TMEM132D: variants seen among roughly 807,000 people sequenced by gnomAD.
TMEM132D encodes mature OL transmembrane protein.
In TMEM132D, 21 loss-of-function variants were observed where a neutral mutation model predicts 62.3. The observed-to-expected ratio is 0.34, with a 90% confidence interval of 0.24 to 0.49. TMEM132D has a LOEUF of 0.49. Among genes scored for constraint, TMEM132D ranks in the 20% least tolerant of loss-of-function variants. TMEM132D has a pLI of 0.99. For missense variants in TMEM132D, 1,346 were observed against 1,402.8 expected (o/e 0.96, Z 0.65); for synonymous variants, 621 against 575.6 (o/e 1.08, Z -1.13).
At chr12:129,619,053 G>C (rs1029298709) in intron 2 of TMEM132D, among the ~76,000 whole-genome samples, 1 of 152,190 alleles carries the variant, frequency 6.6e-6, no homozygotes. Context: ...TTATCATGCA[G>C]GTGAAGCCTC....
chr12:129,342,128 A>G (rs1869510856), intron 3 of TMEM132D, among the ~76,000 whole-genome samples: 1 of 152,204 alleles, frequency 6.6e-6, no homozygotes, highest in African/African-American at 2.4e-5. Flanking sequence ...GTCAATCCTA[A>G]GCCAAAAGAA....
chr12:129,662,158 A>G (rs951466155), intron 2 of TMEM132D, among the ~76,000 whole-genome samples: 1 of 152,172 alleles, frequency 6.6e-6, no homozygotes, highest in Non-Finnish European at 1.5e-5. Flanking sequence ...TTTTCTTTGC[A>G]GCCCAGGCTA....
rs1390706584 is a variant in TMEM132D, at chr12:129,647,709, A to AT, written c.968+52100dup. Among the ~76,000 whole-genome samples, 6 of 152,092 alleles carry AT rather than the reference A, an allele frequency of 3.9e-5. No individual in the cohort carries two copies. The East Asian group carries it at 1.2e-3, about 29-fold the overall frequency. On this transcript the variant is annotated intron_variant, in intron 2 of 8. Coordinates refer to ENST00000422113, the MANE Select transcript of TMEM132D (RefSeq NM_133448.3). ...TTTCATATGCTTATTGGCTGCTGGTATTTTTTATGTAAATTAATCCACACA... is the reference window on the plus strand; with the variant it reads ...TTTCATATGCTTATTGGCTGCTGGTATTTTTTTATGTAAATTAATCCACACA...
chr12:129,809,989 G>A (rs1872119454), intron 1 of TMEM132D, among the ~76,000 whole-genome samples: 1 of 152,164 alleles, frequency 6.6e-6, no homozygotes, highest in Admixed American at 6.5e-5. Context: ...AGCTATCAAG[G>A]AGTCCTCGCT....
At chr12:129,605,631 AC>A (rs1257583458) in intron 2 of TMEM132D, among the ~76,000 whole-genome samples, 1 of 135,510 alleles carries the variant, frequency 7.4e-6, no homozygotes, top group Non-Finnish European at 1.6e-5. Context: ...ATACACACAC[AC>A]ACACACACAC....
rs995281902 is a variant in TMEM132D at position 129,894,674 on chromosome 12, C to T, written c.79+8587G>A. Among the ~76,000 whole-genome samples, 43 of 152,126 alleles carry T rather than the reference C, an allele frequency of 2.8e-4. 1 individual carries two copies. Among genetic ancestry groups the T allele is most frequent in the Admixed American group, 7.2e-4 (11 of 15,274 alleles). ...GAGTGCTCCTGGCCTTCCAGGCCTC[C>T]GCTTCCATAAGACACATTGACAAGA... is the stretch of plus-strand genomic sequence containing the variant. On this transcript the variant is annotated intron_variant, in intron 1 of 8. Transcript: ENST00000422113.
intron 4 of TMEM132D, among the ~76,000 whole-genome samples, chr12:129,246,873 C>T (rs1037408812): frequency 1.3e-5 from 2 of 151,944 alleles, no homozygotes; most frequent in Admixed American, 6.5e-5. Flanking sequence ...AGTTACATAC[C>T]CAATGCATTA....
chr12:129,512,486 T>C (rs932967052), intron 3 of TMEM132D, among the ~76,000 whole-genome samples: 1 of 152,196 alleles, frequency 6.6e-6, no homozygotes, highest in African/African-American at 2.4e-5. Context: ...ACATTGAACA[T>C]TGGTGACATC....
At chr12:129,450,987 C>T (rs1023735996) in intron 3 of TMEM132D, among the ~76,000 whole-genome samples, 1 of 152,012 alleles carries the variant, frequency 6.6e-6, no homozygotes, top group Non-Finnish European at 1.5e-5. Flanking sequence ...TTGTCTAGAA[C>T]TCCTGACCTC....
At chr12:129,636,189 C>T (rs1879471126) in intron 2 of TMEM132D, among the ~76,000 whole-genome samples, 1 of 152,190 alleles carries the variant, frequency 6.6e-6, no homozygotes, top group South Asian at 2.1e-4. Flanking sequence ...TCAGCTAACT[C>T]TTCAGGAGCA....
intron 5 of TMEM132D, among the ~76,000 whole-genome samples, chr12:129,118,550 T>C (rs745476514): frequency 1.3e-5 from 2 of 152,254 alleles, no homozygotes; most frequent in Non-Finnish European, 2.9e-5. Flanking sequence ...GCACATTTTC[T>C]ACAATGCCTA....
rs1008680717 is a variant in TMEM132D at position 129,834,010 on chromosome 12, G to C, written c.79+69251C>G. On this transcript the variant is annotated intron_variant, in intron 1 of 8. Coordinates refer to ENST00000422113, the MANE Select transcript of TMEM132D (RefSeq NM_133448.3). Reference sequence around the variant, plus strand: ...CAGCCTGGTTGGGGGAATCACTGAGGGGGTGTCATCTCTGTTCTTCCTCCC... The same window carrying C: ...CAGCCTGGTTGGGGGAATCACTGAGCGGGTGTCATCTCTGTTCTTCCTCCC... 2.0e-5 allele frequency among the ~76,000 whole-genome samples: 3 copies of C among 152,274 alleles called. No homozygotes were observed. The South Asian group carries it at 6.2e-4, about 32-fold the overall frequency.
intron 2 of TMEM132D, among the ~76,000 whole-genome samples, chr12:129,607,268 G>C (rs1408089804): frequency 2.0e-5 from 3 of 152,132 alleles, no homozygotes; most frequent in Non-Finnish European, 2.9e-5. Flanking sequence ...GGGAGCCTGG[G>C]TGTAGAACTT....
chr12:129,181,728 T>C (rs187334749), intron 5 of TMEM132D, among the ~76,000 whole-genome samples: 256 of 152,326 alleles, frequency 1.7e-3, no homozygotes, highest in African/African-American at 5.8e-3. Context: ...ATGCCTTTGT[T>C]GGAAGAGACC....
At chr12:129,605,354 G>C (rs1878587055) in intron 2 of TMEM132D, among the ~76,000 whole-genome samples, 1 of 151,882 alleles carries the variant, frequency 6.6e-6, no homozygotes, top group Non-Finnish European at 1.5e-5. Context: ...AAAGGAAGAG[G>C]CAACTTATTC....
intron 3 of TMEM132D, among the ~76,000 whole-genome samples, chr12:129,523,200 C>CA (rs1875908553): frequency 6.6e-6 from 1 of 152,178 alleles, no homozygotes; most frequent in East Asian, 1.9e-4. Context: ...TAGTTTTCTA[C>CA]ATGGAATGTC....
At chr12:129,344,565 C>T (rs1014169611) in intron 3 of TMEM132D, among the ~76,000 whole-genome samples, 2 of 152,124 alleles carry the variant, frequency 1.3e-5, no homozygotes, top group East Asian at 3.9e-4. Context: ...GGCTTAGAGG[C>T]CTGACTTTGG....
rs1360050688 is a variant in TMEM132D, at chr12:129,074,696, G to A, written c.2479C>T (p.Pro827Ser). Residue 827 changes from proline to serine, a missense_variant, in exon 9 of 9, where the codon CCC becomes TCC. Physicochemically the swap from Pro to Ser is moderately conservative, Grantham distance 74. Transcript: ENST00000422113. ...HMENNVSDRRPKKPSQEWGSQ... is the reference protein window; with the variant it reads ...HMENNVSDRRSKKPSQEWGSQ... ...CCCCATTCCTGCGAGGGTTTTTTGG[G>A]CCTTCTGTCACTGACATTGTTTTCC... The A allele has an allele frequency of 2.5e-6, 4 of 1,614,016 alleles. No homozygotes were observed. The highest frequency in any genetic ancestry group is 3.4e-6 in the Non-Finnish European group (4 of 1,180,012).
chr12:129,084,041 C>T (rs545008717), intron 6 of TMEM132D, among the ~76,000 whole-genome samples: 6 of 152,330 alleles, frequency 3.9e-5, no homozygotes, highest in African/African-American at 1.4e-4. Context: ...CAGGGAACAT[C>T]TGCTGCCTCC....
Sources: allele counts gnomAD v4.1 joint callset (sites outside exome capture counted in the v4.1 genomes callset), GRCh38; gene constraint gnomAD v4.1.1; transcripts MANE v1.5; gene names NCBI Gene and HGNC (gene_info 2026-07-23, HGNC 2026-07-21).